MGLL: variants seen among roughly 807,000 people sequenced by gnomAD.
The protein encoded by MGLL is lysophospholipase homolog.
Under a neutral mutation model 29.1 loss-of-function variants are expected in MGLL, and 7 were observed. The observed-to-expected ratio is 0.24, with a 90% CI of 0.14 to 0.45. MGLL has a LOEUF of 0.45. Among genes scored for constraint, MGLL ranks in the 20% least tolerant of loss-of-function variants. MGLL has a pLI of 0.99. For missense variants in MGLL, 356 were observed against 413.6 expected (o/e 0.86, Z 1.21); for synonymous variants, 148 against 168.3 (o/e 0.88, Z 0.93).
intron 3 of MGLL, among the ~76,000 whole-genome samples, chr3:127,771,285 T>C (rs1009073887): frequency 2.2e-4 from 33 of 152,146 alleles, no homozygotes; most frequent in Non-Finnish European, 7.3e-5. Flanking sequence ...CCAGCGACCA[T>C]CCTCCCTCTG....
chr3:127,787,861 C>T lies in MGLL; in HGVS notation c.156-5966G>A, dbSNP rs150970147. ...ACCGGCACGTCTGCCGTCCGGGCTG[C>T]GTGTGGGCTTGTGAGAGTGCGTTGG... On this transcript the variant is annotated intron_variant, in intron 2 of 7. Coordinates refer to ENST00000265052, the MANE Select transcript of MGLL (RefSeq NM_007283.7). Among the ~76,000 whole-genome samples the T allele has an allele frequency of 7.0e-3, 1,066 of 152,354 alleles. 14 individuals are homozygous for T. The highest frequency in any genetic ancestry group is 0.014 in the Middle Eastern group (4 of 294).
At chr3:127,797,685 G>A (rs2077407394) in intron 2 of MGLL, among the ~76,000 whole-genome samples, 1 of 152,168 alleles carries the variant, frequency 6.6e-6, no homozygotes, top group African/African-American at 2.4e-5. Flanking sequence ...ATGGCTCACT[G>A]CAGCCTCAAA....
intron 3 of MGLL, among the ~76,000 whole-genome samples, chr3:127,780,491 T>G (rs1374257839): frequency 1.3e-5 from 2 of 152,190 alleles, no homozygotes; most frequent in Admixed American, 1.3e-4. Context: ...CCTCAAATAT[T>G]ATTTCTCAAA....
intron 3 of MGLL, among the ~76,000 whole-genome samples, chr3:127,729,481 A>T (rs545889895): frequency 6.6e-6 from 1 of 152,178 alleles, no homozygotes; most frequent in East Asian, 1.9e-4. Context: ...CCTTTTTTTC[A>T]ATTCAGTGAA....
chr3:127,710,732 A>G, intron 5 of MGLL, 67 bp from the exon 6 acceptor site: 1 of 1,316,304 alleles, frequency 7.6e-7, no homozygotes, highest in Non-Finnish European at 1.1e-6. Flanking sequence ...TTCCGCAGTG[A>G]CAGTTTACAG....
chr3:127,722,653 T>G (rs1466280294), intron 3 of MGLL, 87 bp from the exon 4 acceptor site: 1 of 1,557,756 alleles, frequency 6.4e-7, no homozygotes. Context: ...GCAATCGCTC[T>G]CTCTCCTGAG....
At chr3:127,740,015 C>T (rs973763984) in intron 3 of MGLL, among the ~76,000 whole-genome samples, 3 of 152,212 alleles carry the variant, frequency 2.0e-5, no homozygotes, top group South Asian at 4.1e-4. Flanking sequence ...GGCCTGCGGG[C>T]CAGCAGGCAG....
intron 3 of MGLL, among the ~76,000 whole-genome samples, chr3:127,739,699 TG>T (rs2076302107): frequency 6.6e-6 from 1 of 152,170 alleles, no homozygotes; most frequent in African/African-American, 2.4e-5. Flanking sequence ...TGGAGGGCTT[TG>T]GGATGGAGCA....
intron 6 of MGLL, among the ~76,000 whole-genome samples, chr3:127,708,610 G>A (rs1301128810): frequency 3.3e-5 from 5 of 152,238 alleles, no homozygotes; most frequent in South Asian, 4.1e-4. Flanking sequence ...ATTTTCAGGT[G>A]TTCAGATAAA....
At chr3:127,708,292 G>T (rs2075642411) in intron 6 of MGLL, among the ~76,000 whole-genome samples, 1 of 152,222 alleles carries the variant, frequency 6.6e-6, no homozygotes, top group South Asian at 2.1e-4. Flanking sequence ...TCCAACTGCA[G>T]TCCAGCCTTG....
At chr3:127,748,427 AGGGAGAGAGAGAGAGAGAGAG>A (rs2076493494) in intron 3 of MGLL, among the ~76,000 whole-genome samples, 1 of 119,190 alleles carries the variant, frequency 8.4e-6, no homozygotes, top group Non-Finnish European at 2.0e-5. Flanking sequence ...AGAGAGAGAG[AGGGAGAGAGAGAGAGAGAGAG>A]ATATTCCTAT....
intron 2 of MGLL, among the ~76,000 whole-genome samples, chr3:127,817,971 CT>C (rs1420297122): frequency 6.6e-6 from 1 of 152,036 alleles, no homozygotes; most frequent in Non-Finnish European, 1.5e-5. Flanking sequence ...CCCCCTTTTT[CT>C]TTTTTTGAGA....
chr3:127,793,866 C>G (rs1267289512), intron 2 of MGLL, among the ~76,000 whole-genome samples: 1 of 152,184 alleles, frequency 6.6e-6, no homozygotes, highest in Non-Finnish European at 1.5e-5. Flanking sequence ...CTGGCCAAGT[C>G]TTCTTGAAGT....
chr3:127,740,521 C>T (rs1354134974), intron 3 of MGLL, among the ~76,000 whole-genome samples: 6 of 152,214 alleles, frequency 3.9e-5, no homozygotes, highest in African/African-American at 9.7e-5. Flanking sequence ...TGGCCTCACC[C>T]TCCAGCTTAG....
At chr3:127,735,627 C>T (rs1235087570) in intron 3 of MGLL, 1 of 1,412,174 alleles carries the variant, frequency 7.1e-7, no homozygotes, top group Non-Finnish European at 9.5e-7. Context: ...ACACAAATTC[C>T]AAGATTGTAG....
Position 127,698,542 on chromosome 3 carries a change from T to G in MGLL, c.601-3352A>C, listed in dbSNP as rs1009704071. On this transcript the variant is annotated intron_variant, in intron 6 of 7. Coordinates refer to ENST00000265052, the MANE Select transcript of MGLL (RefSeq NM_007283.7). ...TGTAATGTTCTTCACGTGACAAAACTAGAGAAACAGAGACCAGACTCACGG... is the reference window on the plus strand; with the variant it reads ...TGTAATGTTCTTCACGTGACAAAACGAGAGAAACAGAGACCAGACTCACGG... Among the ~76,000 whole-genome samples the G allele has an allele frequency of 2.0e-5, 3 of 151,904 alleles. No homozygotes were observed. In the East Asian group the frequency reaches 5.8e-4, roughly 29 times the overall value.
chr3:127,763,626 A>G (rs529480308), intron 3 of MGLL, among the ~76,000 whole-genome samples: 4 of 152,184 alleles, frequency 2.6e-5, no homozygotes, highest in East Asian at 1.9e-4. Flanking sequence ...GCTGAGGCCA[A>G]TCCAGCCCCT....
intron 3 of MGLL, among the ~76,000 whole-genome samples, chr3:127,774,241 T>C (rs548528193): frequency 1.3e-5 from 2 of 152,374 alleles, no homozygotes; most frequent in South Asian, 2.1e-4. Context: ...TTCCCAGCTC[T>C]AGACTCCCTC....
At chr3:127,766,970 T>G (rs559292220) in intron 3 of MGLL, among the ~76,000 whole-genome samples, 160 of 151,740 alleles carry the variant, frequency 1.1e-3, no homozygotes, top group Admixed American at 2.0e-3. Flanking sequence ...ACTCAGGAGG[T>G]TGAGGCAGGA....
Sources: allele counts gnomAD v4.1 joint callset (sites outside exome capture counted in the v4.1 genomes callset), GRCh38; gene constraint gnomAD v4.1.1; transcripts MANE v1.5; gene names NCBI Gene and HGNC (gene_info 2026-07-23, HGNC 2026-07-21).